The following TAB2 variants were observed in gnomAD, a reference collection of about 807,000 sequenced individuals.
TAB2 encodes the protein TGF-beta activated kinase 1 (MAP3K7) binding protein 2, also known as TGF-beta-activated kinase 1 and MAP3K7-binding protein 2.
A neutral mutation model predicts 65.0 loss-of-function variants in TAB2; 3 were observed. The observed-to-expected ratio is 0.05, with a 90% CI of 0.02 to 0.12. TAB2 has a LOEUF of 0.12. TAB2 is among the 10% of genes least tolerant of loss of function. The pLI, the probability that TAB2 is intolerant of heterozygous loss-of-function variation, is 1.00. For missense variants in TAB2, 623 were observed against 840.3 expected, an observed-to-expected ratio of 0.74 and a Z score of 3.20; for synonymous variants, 298 against 285.1, an observed-to-expected ratio of 1.05 and a Z score of -0.46.
chr6:149,261,459 A>G (rs1285152384), intron 1 of TAB2, among the ~76,000 whole-genome samples: 2 of 152,240 alleles, frequency 1.3e-5, no homozygotes, highest in East Asian at 3.8e-4. Flanking sequence ...TGTTTTTCAT[A>G]GCGTACTTCA....
chr6:149,244,850 T>C (rs7747474), intron 1 of TAB2: 121,764 of 151,532 alleles, frequency 0.8, 49,063 homozygotes, highest in East Asian at 0.95. Flanking sequence ...CGCCACTGCA[T>C]TCCAGCCTGG....
At chr6:149,336,302 G>T (rs547453377) in intron 1 of TAB2, among the ~76,000 whole-genome samples, 2 of 152,176 alleles carry the variant, frequency 1.3e-5, no homozygotes, top group Non-Finnish European at 2.9e-5. Flanking sequence ...GGTTCTGATA[G>T]AGGTGAACTA....
intron 1 of TAB2, among the ~76,000 whole-genome samples, chr6:149,236,285 T>C (rs1159701219): frequency 1.3e-5 from 2 of 152,226 alleles, no homozygotes; most frequent in Non-Finnish European, 1.5e-5. Context: ...GTCACCCTCA[T>C]TTGAGGTATT....
intron 1 of TAB2, among the ~76,000 whole-genome samples, chr6:149,332,904 C>T (rs188787581): frequency 1.3e-5 from 2 of 152,100 alleles, no homozygotes; most frequent in Admixed American, 6.6e-5. Flanking sequence ...TTTTTAAATG[C>T]CACAAGTTTT....
chr6:149,392,702 G>A (rs954938965), intron 3 of TAB2, among the ~76,000 whole-genome samples: 3 of 152,160 alleles, frequency 2.0e-5, no homozygotes, highest in Non-Finnish European at 2.9e-5. Context: ...TCTGTTGTGA[G>A]TTAATTGCCT....
intron 1 of TAB2, among the ~76,000 whole-genome samples, chr6:149,234,774 AT>A (rs1200154299): frequency 1.3e-5 from 2 of 149,526 alleles, no homozygotes; most frequent in Non-Finnish European, 3.0e-5. Flanking sequence ...ACTGTGTGAG[AT>A]TTTTTCAGTG....
rs368526090 is a variant in TAB2 at position 149,350,889 on chromosome 6, T to C, written c.-89-19020T>C. ...AGTTTGACATATATTAAAACCTTAT[T>C]AGCATTAGCGTATCTCAAGGTCTTC... On this transcript the variant is annotated intron_variant, in intron 1 of 6. Transcript: ENST00000637181. 1.7e-3 allele frequency among the ~76,000 whole-genome samples: 257 copies of C among 152,294 alleles called. 1 individual carries two copies. Among genetic ancestry groups the C allele is most frequent in the African/African-American group, 5.8e-3 (243 of 41,550 alleles).
rs36010723 is a variant in TAB2, at chr6:149,400,053, A to C, written c.1939+869A>C. On this transcript the variant is annotated intron_variant, in intron 6 of 6. Transcript: ENST00000637181. ...AACAAGACAATAAGAGGAAAAGAGG[A>C]GCAAAACAGTTGTCAAATAGACAGG... Among the ~76,000 whole-genome samples, 371 of 152,378 alleles carry C rather than the reference A, an allele frequency of 2.4e-3. 2 individuals carry two copies. The highest frequency in any genetic ancestry group is 8.8e-3 in the African/African-American group (365 of 41,594).
rs138845810 is a variant in TAB2 at position 149,388,243 on chromosome 6, C to T, written c.1603+8725C>T. Among the ~76,000 whole-genome samples, 31 of 152,324 alleles carry T rather than the reference C, an allele frequency of 2.0e-4. No homozygotes were observed. In the East Asian group the frequency reaches 4.4e-3, roughly 22 times the overall value. ...TAAGGGAAGCTCCATCTCTGTGCTT[C>T]CATGACCAAGGAAACATAGTGGGTG... On this transcript the variant is annotated intron_variant, in intron 3 of 6. Coordinates refer to ENST00000637181, the MANE Select transcript of TAB2 (RefSeq NM_001292034.3).
intron 2 of TAB2, among the ~76,000 whole-genome samples, chr6:149,374,392 C>T (rs916254390): frequency 6.6e-6 from 1 of 152,018 alleles, no homozygotes; most frequent in Non-Finnish European, 1.5e-5. Flanking sequence ...TAATTAAAAA[C>T]AAGATTTTTT....
chr6:149,311,354 C>T (rs553543134), intron 1 of TAB2, among the ~76,000 whole-genome samples: 2 of 152,218 alleles, frequency 1.3e-5, no homozygotes, highest in Non-Finnish European at 2.9e-5. Flanking sequence ...AATATCACCT[C>T]CAATAACCCT....
chr6:149,253,962 GAAAGA>G (rs1777922067), intron 1 of TAB2, among the ~76,000 whole-genome samples: 3 of 43,038 alleles, frequency 7.0e-5, no homozygotes, highest in Non-Finnish European at 1.4e-4. Flanking sequence ...GAAAGAAAAA[GAAAGA>G]AAGAAAGAAA....
In TAB2 at chr6:149,400,847, A is replaced by C. The variant is rs1583161728; in HGVS notation, c.1939+1663A>C. ...CACATTCTTTTATTATACATGAAGT[A>C]ACTGGTATGTGTACACAAGCATATT... is the stretch of plus-strand genomic sequence containing the variant. On this transcript the variant is annotated intron_variant, in intron 6 of 6. Transcript: ENST00000637181. The C allele has an allele frequency of 1.5e-4, 110 of 736,032 alleles. No individual in the cohort carries two copies. The East Asian group carries it at 3.0e-3, about 20-fold the overall frequency. 45.6% of individuals were successfully genotyped at this position (736,032 alleles called of 1,614,324 possible).
intron 1 of TAB2, among the ~76,000 whole-genome samples, chr6:149,227,928 A>G (rs909767170): frequency 1.3e-5 from 2 of 152,164 alleles, no homozygotes; most frequent in African/African-American, 4.8e-5. Flanking sequence ...ATCTGCTAAC[A>G]TAGTTGGGGC....
At chr6:149,353,645 C>T (rs1780561633) in intron 1 of TAB2, among the ~76,000 whole-genome samples, 1 of 152,158 alleles carries the variant, frequency 6.6e-6, no homozygotes, top group South Asian at 2.1e-4. Context: ...AAGTCGTATT[C>T]TGAGGAAATA....
chr6:149,378,624 T>A lies in TAB2; in HGVS notation c.709T>A (p.Ser237Thr). 1 of 1,613,384 alleles carries A rather than the reference T, an allele frequency of 6.2e-7. No homozygotes were observed. Among genetic ancestry groups the A allele is most frequent in the Non-Finnish European group, 8.5e-7 (1 of 1,180,022 alleles). The change falls in exon 3 of 7, where the codon TCT becomes ACT. Residue 237 changes from serine to threonine, a missense_variant. This residue lies in a region of TAB2 where 550 missense variants were observed against 665.7 expected (regional missense o/e 0.83). Coordinates refer to ENST00000637181, the MANE Select transcript of TAB2 (RefSeq NM_001292034.3). Reference protein sequence around the residue: ...RQTQQHSGWVSQFNPMNPQQV... With the variant: ...RQTQQHSGWVTQFNPMNPQQV... ...GACACAACAGCATTCTGGCTGGGTA[T>A]CTCAGTTTAATCCCATGAACCCTCA...
chr6:149,383,603 GAGAT>G (rs1251013210), intron 3 of TAB2, among the ~76,000 whole-genome samples: 5 of 151,748 alleles, frequency 3.3e-5, no homozygotes, highest in Admixed American at 6.6e-5. Context: ...TTTTTTTTCT[GAGAT>G]AGAGTCTCAC....
chr6:149,294,978 A>G (rs374725192), intron 1 of TAB2, among the ~76,000 whole-genome samples: 7 of 152,330 alleles, frequency 4.6e-5, no homozygotes, highest in Admixed American at 2.0e-4. Flanking sequence ...AAAGAAAAAG[A>G]CACAGTCATA....
chr6:149,334,803 G>C (rs1477263299), intron 1 of TAB2, among the ~76,000 whole-genome samples: 1 of 152,180 alleles, frequency 6.6e-6, no homozygotes, highest in African/African-American at 2.4e-5. Context: ...AAATTTTTGT[G>C]AAAGTAATCA....
Sources: gnomAD v4.1 joint callset for allele counts (sites outside exome capture counted in the v4.1 genomes callset) on GRCh38, gnomAD v4.1.1 for gene constraint, gnomAD v4.1.1 regional missense constraint, MANE v1.5 for transcripts, NCBI Gene and HGNC (gene_info 2026-07-23, HGNC 2026-07-21) for gene names.